The following ROR1 variants were observed in gnomAD, a reference collection of about 807,000 sequenced individuals.
ROR1 encodes inactive tyrosine-protein kinase transmembrane receptor ROR1.
Under a neutral mutation model 78.8 loss-of-function variants are expected in ROR1, and 19 were observed. The ratio of observed to expected loss-of-function variants is 0.24; its 90% confidence interval spans 0.17 to 0.35. ROR1 has a LOEUF of 0.35. ROR1 is among the 10% of genes least tolerant of loss of function. The pLI is 1.00. For missense variants in ROR1, 917 were observed against 1,177.8 expected (o/e 0.78, Z 3.24); for synonymous variants, 386 against 433.6 (o/e 0.89, Z 1.36).
chr1:64,050,853 A>G, intron 4 of ROR1, 137 bp downstream of exon 4: 1 of 833,144 alleles, frequency 1.2e-6, no homozygotes, highest in South Asian at 1.4e-5. Context: ...CCCTCATTCC[A>G]TTTTGCTTGT....
chr1:63,827,771 TG>T (rs1644964559), intron 1 of ROR1, among the ~76,000 whole-genome samples: 1 of 152,170 alleles, frequency 6.6e-6, no homozygotes, highest in African/African-American at 2.4e-5. Context: ...AAATTTAAAC[TG>T]GGTGAAACTG....
chr1:63,888,573 T>A (rs1388305674), intron 1 of ROR1, among the ~76,000 whole-genome samples: 1 of 152,090 alleles, frequency 6.6e-6, no homozygotes, highest in Non-Finnish European at 1.5e-5. Context: ...CAGTGCGCTA[T>A]AATTGTACCA....
intron 2 of ROR1, among the ~76,000 whole-genome samples, chr1:64,045,835 G>A (rs1269080916): frequency 1.3e-5 from 2 of 152,106 alleles, no homozygotes; most frequent in Non-Finnish European, 2.9e-5. Flanking sequence ...AGAGCTAGAG[G>A]TGGATTCAGT....
intron 1 of ROR1, among the ~76,000 whole-genome samples, chr1:63,796,860 G>A (rs1390017920): frequency 6.6e-6 from 1 of 152,158 alleles, no homozygotes. Context: ...AGAGCAGCGG[G>A]CCCCAGCCCA....
chr1:64,102,938 T>A (rs572230721), intron 4 of ROR1, among the ~76,000 whole-genome samples: 19 of 152,180 alleles, frequency 1.2e-4, no homozygotes, highest in African/African-American at 4.1e-4. Flanking sequence ...GCGCCAGCTG[T>A]CCCCTGGGAT....
intron 1 of ROR1, among the ~76,000 whole-genome samples, chr1:63,801,135 G>A (rs899608191): frequency 2.6e-5 from 4 of 152,042 alleles, no homozygotes; most frequent in African/African-American, 4.8e-5. Flanking sequence ...TGATTACAAT[G>A]TTGTAATTTT....
intron 4 of ROR1, 29 bp from the exon 5 acceptor site, chr1:64,137,339 CA>C: frequency 1.2e-6 from 2 of 1,612,642 alleles, no homozygotes; most frequent in Admixed American, 3.3e-5. Flanking sequence ...TGTGGTGCAT[CA>C]GCTAATGTCT....
intron 1 of ROR1, among the ~76,000 whole-genome samples, chr1:63,860,847 G>A (rs2100344598): frequency 6.6e-6 from 1 of 151,826 alleles, no homozygotes. Context: ...AAAATATTCT[G>A]TCTAGCAAAT....
chr1:64,035,305 C>T (rs1163066391), intron 2 of ROR1, among the ~76,000 whole-genome samples: 3 of 152,250 alleles, frequency 2.0e-5, no homozygotes, highest in Non-Finnish European at 2.9e-5. Flanking sequence ...CCATTGCACA[C>T]GAAGAGGAAG....
At chr1:63,833,305 T>C (rs1644999831) in intron 1 of ROR1, among the ~76,000 whole-genome samples, 1 of 152,094 alleles carries the variant, frequency 6.6e-6, no homozygotes, top group African/African-American at 2.4e-5. Context: ...ACTGCCTGAG[T>C]GGAAGGGTTT....
In ROR1 at chr1:63,778,956, G is replaced by C. The variant is rs1644634197; in HGVS notation, c.91+4448G>C. On this transcript the variant is annotated intron_variant, in intron 1 of 8. Transcript: ENST00000371079. Reference sequence around the variant, plus strand: ...ATGGAACAAAGGTGGTATTTCCCAAGGTTTTCCAACAGCAGCAAAGGGAAG... The same window carrying C: ...ATGGAACAAAGGTGGTATTTCCCAACGTTTTCCAACAGCAGCAAAGGGAAG... Among the ~76,000 whole-genome samples the C allele has an allele frequency of 2.0e-5, 3 of 152,190 alleles. No individual in the cohort carries two copies. The South Asian group carries it at 6.2e-4, about 32-fold the overall frequency.
At chr1:63,974,848 C>T (rs1168438681) in intron 1 of ROR1, among the ~76,000 whole-genome samples, 1 of 152,112 alleles carries the variant, frequency 6.6e-6, no homozygotes, top group Non-Finnish European at 1.5e-5. Flanking sequence ...TATGTTTTCA[C>T]TACATTTACT....
At chr1:63,854,984 A>G (rs1399268563) in intron 1 of ROR1, among the ~76,000 whole-genome samples, 1 of 151,942 alleles carries the variant, frequency 6.6e-6, no homozygotes, top group Non-Finnish European at 1.5e-5. Context: ...AATTTGTATT[A>G]TTTATTATTA....
At chr1:64,093,143 A>G (rs915609463) in intron 4 of ROR1, among the ~76,000 whole-genome samples, 1 of 152,042 alleles carries the variant, frequency 6.6e-6, no homozygotes, top group African/African-American at 2.4e-5. Flanking sequence ...GACATTTCCT[A>G]TATTATATTA....
At chr1:64,106,083 A>G (rs544131962) in intron 4 of ROR1, 1 of 152,244 alleles carries the variant, frequency 6.6e-6, no homozygotes, top group South Asian at 2.1e-4. Flanking sequence ...GATTCTTCCT[A>G]TCCATGAGGA....
intron 1 of ROR1, among the ~76,000 whole-genome samples, chr1:63,992,910 T>G (rs1646307505): frequency 1.3e-5 from 2 of 152,310 alleles, no homozygotes; most frequent in Admixed American, 1.3e-4. Flanking sequence ...CTACCCCTTA[T>G]GAATTTGTGA....
At chr1:64,161,512 C>A (rs1448821783) in intron 8 of ROR1, among the ~76,000 whole-genome samples, 1 of 152,182 alleles carries the variant, frequency 6.6e-6, no homozygotes, top group East Asian at 1.9e-4. Flanking sequence ...AATGATGTAG[C>A]CCTAGCCCTG....
chr1:63,948,192 A>G (rs1351224816), intron 1 of ROR1, among the ~76,000 whole-genome samples: 1 of 152,180 alleles, frequency 6.6e-6, no homozygotes, highest in Non-Finnish European at 1.5e-5. Context: ...AAAACAAACA[A>G]ACAATGAAAA....
chr1:63,983,949 T>C (rs913528019), intron 1 of ROR1, among the ~76,000 whole-genome samples: 1 of 152,184 alleles, frequency 6.6e-6, no homozygotes, highest in Non-Finnish European at 1.5e-5. Flanking sequence ...CAGTGAGTAC[T>C]TACTAAATGT....
Sources: allele counts gnomAD v4.1 joint callset (sites outside exome capture counted in the v4.1 genomes callset), GRCh38; gene constraint gnomAD v4.1.1; transcripts MANE v1.5; gene names NCBI Gene and HGNC (gene_info 2026-07-23, HGNC 2026-07-21).